GALNT16: variants seen among roughly 807,000 people sequenced by gnomAD.
The protein encoded by GALNT16 is UDP-GalNAc:polypeptide N-acetylgalactosaminyltransferase-like protein 1.
Under a neutral mutation model 76.1 loss-of-function variants are expected in GALNT16, and 40 were observed. That is an observed-to-expected ratio of 0.53 (90% confidence interval 0.41 to 0.68). The LOEUF is 0.68. Among genes scored for constraint, GALNT16 ranks in the 30% least tolerant of loss-of-function variants. The probability of loss-of-function intolerance (pLI) is 0.00; values close to 1 mark genes in which losing one functional copy is unlikely to be tolerated. For synonymous variants in GALNT16, 276 were observed against 285.2 expected, an observed-to-expected ratio of 0.97 and a Z score of 0.32; for missense variants, 621 against 731.9, an observed-to-expected ratio of 0.85 and a Z score of 1.75.
Position 69,352,132 on chromosome 14 carries a change from C to T in GALNT16, c.1641C>T (p.Ala547=), listed in dbSNP as rs148432649. The T allele has an allele frequency of 7.9e-5, 127 of 1,613,522 alleles. No individual in the cohort carries two copies. In the African/African-American group the frequency reaches 1.6e-3, roughly 20 times the overall value. Residue 547 remains alanine (A), a synonymous_variant, in exon 15 of 15, where the codon GCC becomes GCT. Coordinates refer to ENST00000448469, the MANE Select transcript of GALNT16 (RefSeq NM_001168368.2). ...QLVTSKCQAD[A]QAQQWQLLPH... is the part of the protein sequence containing the mutation. ...TGACCAGCAAGTGTCAGGCTGACGC[C>T]CAGGCCCAGCAGTGGCAGCTGTTGC...
intron 1 of GALNT16, among the ~76,000 whole-genome samples, chr14:69,269,810 T>TGTGTGTG (rs556443351): frequency 0.019 from 2,745 of 144,558 alleles, 84 homozygotes; most frequent in African/African-American, 0.072. Flanking sequence ...ATTTGTGTGT[T>TGTGTGTG]TGTGTGTGTG....
Position 69,352,252 on chromosome 14 carries a change from G to A in GALNT16, c.*84G>A. On this transcript the variant is annotated 3_prime_UTR_variant, in exon 15 of 15. Coordinates refer to ENST00000448469, the MANE Select transcript of GALNT16 (RefSeq NM_001168368.2). The stretch of plus-strand genomic sequence containing the variant: ...AGGGTGGGGGAGTGCAAAGTGGGCT[G>A]TTCCCATCTCCTCACATTTCTGCCA... 2.5e-6 allele frequency: 3 copies of A among 1,178,264 alleles called. No individual in the cohort carries two copies. The highest frequency in any genetic ancestry group is 3.5e-6 in the Non-Finnish European group (3 of 846,842). 73.0% of individuals were successfully genotyped at this position (1,178,264 alleles called of 1,614,324 possible). A position where few individuals can be genotyped will look rare whatever the true frequency, so the allele number is the denominator to read the frequency against.
chr14:69,382,958 T>C, the GALNT16 span, among the ~76,000 whole-genome samples: 1 of 152,198 alleles, frequency 6.6e-6, no homozygotes, highest in Non-Finnish European at 1.5e-5. Context: ...TCAATGAATG[T>C]AGGTTTATAT....
chr14:69,309,032 T>C (rs982980724), intron 1 of GALNT16, among the ~76,000 whole-genome samples: 1 of 152,240 alleles, frequency 6.6e-6, no homozygotes, highest in Non-Finnish European at 1.5e-5. Context: ...ATCAACCAGA[T>C]AGATCTTGCT....
chr14:69,340,666 A>G (rs972072198), intron 11 of GALNT16, among the ~76,000 whole-genome samples: 1 of 151,922 alleles, frequency 6.6e-6, no homozygotes, highest in Non-Finnish European at 1.5e-5. Flanking sequence ...TTGTGTTTTT[A>G]ATAGAGATGG....
In GALNT16 at chr14:69,325,989, T is replaced by C. The variant is rs1319917849; in HGVS notation, c.530T>C (p.Ile177Thr). 6.2e-7 allele frequency: 1 copy of C among 1,614,022 alleles called. No homozygotes were observed. Among genetic ancestry groups the C allele is most frequent in the East Asian group, 2.2e-5 (1 of 44,882 alleles). ...DPEDCLLLTRIPKVKCLRNDR... is the reference protein window; with the variant it reads ...DPEDCLLLTRTPKVKCLRNDR... ...GAAGACTGTCTACTCCTGACCAGGA[T>C]CCCCAAGGTCAAGTGCCTGCGCAAT... Residue 177 changes from isoleucine to threonine, a missense_variant, in exon 5 of 15, where the codon ATC becomes ACC. Coordinates refer to ENST00000448469, the MANE Select transcript of GALNT16 (RefSeq NM_001168368.2).
chr14:69,300,342 A>G (rs2044833455), intron 1 of GALNT16, among the ~76,000 whole-genome samples: 2 of 152,168 alleles, frequency 1.3e-5, no homozygotes, highest in South Asian at 4.1e-4. Flanking sequence ...AGAAATGGAA[A>G]CACTGAGCAG....
chr14:69,380,979 A>G, the GALNT16 span, among the ~76,000 whole-genome samples: 1 of 152,214 alleles, frequency 6.6e-6, no homozygotes, highest in Non-Finnish European at 1.5e-5. Flanking sequence ...TTTAGTGATT[A>G]AAAAACAACA....
chr14:69,328,541 G>T lies in GALNT16; in HGVS notation c.660G>T (p.Trp220Cys), dbSNP rs749767663. 1 of 1,613,788 alleles carries T rather than the reference G, an allele frequency of 6.2e-7. No homozygotes were observed. The highest frequency in any genetic ancestry group is 8.5e-7 in the Non-Finnish European group (1 of 1,179,964). Residue 220 changes from tryptophan to cysteine, a missense_variant, in exon 6 of 15, where the codon TGG becomes TGT. Coordinates refer to ENST00000448469, the MANE Select transcript of GALNT16 (RefSeq NM_001168368.2). ...GCCACTGCGAAGTGAACACCGAGTG[G>T]CTGCCGCCCATGCTGCAGCGGGTGA... Reference protein sequence around the residue: ...LDSHCEVNTEWLPPMLQRVKE... With the variant: ...LDSHCEVNTECLPPMLQRVKE...
chr14:69,298,438 T>C (rs1159413464), intron 1 of GALNT16: 1 of 152,356 alleles, frequency 6.6e-6, no homozygotes, highest in Non-Finnish European at 1.5e-5. Context: ...AGTCATCTCA[T>C]AGCTCTTCCA....
chr14:69,275,427 G>T (rs7160861), intron 1 of GALNT16, among the ~76,000 whole-genome samples: 10,310 of 152,306 alleles, frequency 0.068, 380 homozygotes, highest in Middle Eastern at 0.095. Context: ...GGGAGGAAAA[G>T]AACTGCATTG....
At chr14:69,320,006 A>G (rs2140161603) in intron 1 of GALNT16, among the ~76,000 whole-genome samples, 1 of 152,376 alleles carries the variant, frequency 6.6e-6, no homozygotes, top group East Asian at 1.9e-4. Flanking sequence ...GTCAATCTGC[A>G]GGCGCTTGGC....
At chr14:69,295,295 G>A (rs1350165524) in intron 1 of GALNT16, among the ~76,000 whole-genome samples, 1 of 151,360 alleles carries the variant, frequency 6.6e-6, no homozygotes, top group Non-Finnish European at 1.5e-5. Context: ...CATGCCTATA[G>A]TACCAGCTAC....
intron 1 of GALNT16, among the ~76,000 whole-genome samples, chr14:69,317,646 T>C (rs747736192): frequency 2.0e-5 from 3 of 152,222 alleles, no homozygotes; most frequent in Non-Finnish European, 4.4e-5. Flanking sequence ...AATCAGGCTA[T>C]GGAGCATGGG....
At chr14:69,363,971 C>G in the GALNT16 span, among the ~76,000 whole-genome samples, 4 of 152,172 alleles carry the variant, frequency 2.6e-5, no homozygotes, top group Admixed American at 2.6e-4. Context: ...TCCCTGAGTG[C>G]CTGTACTTCC....
chr14:69,352,110 C>G lies in GALNT16; in HGVS notation c.1619C>G (p.Thr540Ser). ...GAGACAAAGCCTGCCCAGCTGGTGACCAGCAAGTGTCAGGCTGACGCCCAG... is the reference window on the plus strand; with the variant it reads ...GAGACAAAGCCTGCCCAGCTGGTGAGCAGCAAGTGTCAGGCTGACGCCCAG... Reference protein sequence around the residue: ...CLETKPAQLVTSKCQADAQAQ... With the variant: ...CLETKPAQLVSSKCQADAQAQ... Residue 540 changes from threonine to serine, a missense_variant, in exon 15 of 15, where the codon ACC becomes AGC. Coordinates refer to ENST00000448469, the MANE Select transcript of GALNT16 (RefSeq NM_001168368.2). The G allele has an allele frequency of 6.2e-7, 1 of 1,614,024 alleles. No homozygotes were observed. The highest frequency in any genetic ancestry group is 1.1e-5 in the South Asian group (1 of 91,056).
intron 1 of GALNT16, among the ~76,000 whole-genome samples, chr14:69,308,389 G>C (rs1017300786): frequency 1.4e-4 from 21 of 151,358 alleles, no homozygotes; most frequent in Admixed American, 9.9e-4. Context: ...CCCCTGTAGA[G>C]CGGTTTCCTG....
In GALNT16 at chr14:69,328,466, A is replaced by G; in HGVS notation, c.585A>G (p.Arg195=). 1 of 1,614,044 alleles carries G rather than the reference A, an allele frequency of 6.2e-7. No homozygotes were observed. The highest frequency in any genetic ancestry group is 8.5e-7 in the Non-Finnish European group (1 of 1,179,962). Reference sequence around the variant, plus strand: ...CTCTTGTAGGGCTGATCCGGTCCCGAGTGCGTGGGGCGGACGTGGCTGCAG... The same window carrying G: ...CTCTTGTAGGGCTGATCCGGTCCCGGGTGCGTGGGGCGGACGTGGCTGCAG... ...NDRREGLIRS[R]VRGADVAAAT... Residue 195 remains arginine, a synonymous_variant, in exon 6 of 15, where the codon CGA becomes CGG. Transcript: ENST00000448469.
intron 1 of GALNT16, among the ~76,000 whole-genome samples, chr14:69,316,206 C>T (rs17836184): frequency 0.047 from 7,168 of 152,190 alleles, 203 homozygotes; most frequent in Non-Finnish European, 0.063. Context: ...TACCATACGC[C>T]GGCTTGGTCC....
Sources: allele counts gnomAD v4.1 joint callset (sites outside exome capture counted in the v4.1 genomes callset), GRCh38; gene constraint gnomAD v4.1.1; transcripts MANE v1.5; gene names NCBI Gene and HGNC (gene_info 2026-07-23, HGNC 2026-07-21).